Variants in ZNF385B observed in about 807,000 individuals in gnomAD.
ZNF385B encodes the protein zinc finger protein 385B, also known as zinc finger protein 533.
In ZNF385B, 23 loss-of-function variants were observed where a neutral mutation model predicts 39.2. The ratio of observed to expected loss-of-function variants is 0.59; its 90% CI spans 0.42 to 0.83. The LOEUF is 0.83. Ranked by LOEUF, ZNF385B falls within the 40% of genes least tolerant of loss-of-function variation. ZNF385B has a pLI of 0.00. For synonymous variants in ZNF385B, 205 were observed against 222.6 expected (o/e 0.92, Z 0.70); for missense variants, 552 against 598.9 (o/e 0.92, Z 0.82).
In ZNF385B at chr2:179,443,315, G is replaced by GAGCTGGAGGAAT. The variant is rs749031385; in HGVS notation, c.1384_1395dup (p.Ile462_Ala465dup). Reference sequence around the variant, plus strand: ...ATGGGCCCATGCCCAGGCCTCAGAAGAGCTGGAGGAATGGCTGGAGCCTGG... The same window carrying GAGCTGGAGGAAT: ...ATGGGCCCATGCCCAGGCCTCAGAAGAGCTGGAGGAATAGCTGGAGGAATGGCTGGAGCCTGG... On this transcript the variant is annotated inframe_insertion, in exon 10 of 10. Transcript: ENST00000410066. 494 of 1,612,940 alleles carry GAGCTGGAGGAAT rather than the reference G, an allele frequency of 3.1e-4. 1 individual carries two copies. The highest frequency in any genetic ancestry group is 3.7e-4 in the Non-Finnish European group (436 of 1,179,942).
chr2:179,841,140 A>G (rs1024495972), intron 1 of ZNF385B, among the ~76,000 whole-genome samples: 1 of 152,258 alleles, frequency 6.6e-6, no homozygotes, highest in Admixed American at 6.5e-5. Context: ...CACATCGTAC[A>G]AGGCAGAGAA....
chr2:179,699,295 G>A lies in ZNF385B; in HGVS notation c.298+70208C>T, dbSNP rs367812733. Among the ~76,000 whole-genome samples the A allele has an allele frequency of 2.0e-5, 3 of 152,080 alleles. No individual in the cohort carries two copies. In the East Asian group the frequency reaches 5.8e-4, roughly 29 times the overall value. On this transcript the variant is annotated intron_variant, in intron 3 of 9. Coordinates refer to ENST00000410066, the MANE Select transcript of ZNF385B (RefSeq NM_152520.6). ...TTCTGCATTCCCTGCTCTCTTCATT[G>A]AGGAGAAAATTTAAATAACATACAC...
At chr2:179,700,895 T>C (rs1293365623) in intron 3 of ZNF385B, among the ~76,000 whole-genome samples, 3 of 152,166 alleles carry the variant, frequency 2.0e-5, no homozygotes, top group Non-Finnish European at 4.4e-5. Context: ...GCGCTTGTAG[T>C]CGCAGCTACT....
At chr2:179,630,514 T>C (rs922879586) in intron 3 of ZNF385B, among the ~76,000 whole-genome samples, 1 of 152,152 alleles carries the variant, frequency 6.6e-6, no homozygotes, top group African/African-American at 2.4e-5. Context: ...ACCCCATCTG[T>C]AGGTCACCAA....
intron 3 of ZNF385B, among the ~76,000 whole-genome samples, chr2:179,628,594 C>A (rs1690890769): frequency 6.6e-6 from 1 of 152,146 alleles, no homozygotes; most frequent in Admixed American, 6.6e-5. Flanking sequence ...TGCTGTCTTT[C>A]TTTTGCTAAT....
intron 5 of ZNF385B, among the ~76,000 whole-genome samples, chr2:179,486,664 C>T (rs1010875133): frequency 5.3e-5 from 8 of 152,158 alleles, no homozygotes; most frequent in South Asian, 2.1e-4. Flanking sequence ...CCTGTAAGCC[C>T]GGCACTTTGG....
At chr2:179,563,970 G>A (rs988328602) in intron 3 of ZNF385B, among the ~76,000 whole-genome samples, 1 of 151,934 alleles carries the variant, frequency 6.6e-6, no homozygotes. Context: ...AACATTTCCC[G>A]GTCTGGAATA....
In ZNF385B at chr2:179,769,574, C is replaced by T. The variant is rs897681323; in HGVS notation, c.227G>A (p.Arg76Gln). 2 of 1,614,156 alleles carry T rather than the reference C, an allele frequency of 1.2e-6. No individual in the cohort carries two copies. Among genetic ancestry groups the T allele is most frequent in the South Asian group, 1.1e-5 (1 of 91,072 alleles). Residue 76 changes from arginine to glutamine, a missense_variant, in exon 3 of 10, where the codon CGA becomes CAA. Physicochemically the swap from Arg to Gln is conservative, Grantham distance 43 (BLOSUM62 1). Coordinates refer to ENST00000410066, the MANE Select transcript of ZNF385B (RefSeq NM_152520.6). The stretch of plus-strand genomic sequence containing the variant: ...CTGCCCATCACTCAGCTGCTTCACT[C>T]GTTTGCGGTGGGATTTGCCGTTGGA... ...VHSNGKSHRK[R>Q]VKQLSDGQPP...
At chr2:179,477,117 A>G (rs1489857909) in intron 6 of ZNF385B, among the ~76,000 whole-genome samples, 1 of 152,208 alleles carries the variant, frequency 6.6e-6, no homozygotes, top group Non-Finnish European at 1.5e-5. Flanking sequence ...GTGGCAGTCA[A>G]CAGAAATGAG....
At chr2:179,787,318 A>G (rs1163798049) in intron 1 of ZNF385B, among the ~76,000 whole-genome samples, 1 of 151,924 alleles carries the variant, frequency 6.6e-6, no homozygotes, top group East Asian at 1.9e-4. Context: ...GCTCTATGTT[A>G]TAAAAATTCT....
intron 3 of ZNF385B, among the ~76,000 whole-genome samples, chr2:179,598,573 G>A (rs1041316577): frequency 6.6e-6 from 1 of 152,006 alleles, no homozygotes; most frequent in African/African-American, 2.4e-5. Flanking sequence ...TATAAAACCT[G>A]TAATATTCTG....
chr2:179,641,685 A>C (rs1484413624), intron 3 of ZNF385B, among the ~76,000 whole-genome samples: 3 of 83,286 alleles, frequency 3.6e-5, no homozygotes, highest in Non-Finnish European at 7.0e-5. Flanking sequence ...ATTCTATGAC[A>C]TAACCCTTAA....
chr2:179,711,406 G>A (rs534550789), intron 3 of ZNF385B, among the ~76,000 whole-genome samples: 3 of 152,210 alleles, frequency 2.0e-5, no homozygotes, highest in Admixed American at 2.0e-4. Context: ...TTATATACCT[G>A]GCCCCAGGGA....
At chr2:179,855,261 ATCTC>A (rs764468463) in intron 1 of ZNF385B, among the ~76,000 whole-genome samples, 1 of 152,238 alleles carries the variant, frequency 6.6e-6, no homozygotes, top group Non-Finnish European at 1.5e-5. Context: ...AGCACAGGAT[ATCTC>A]TCTCTGTGTG....
chr2:179,496,612 A>C (rs750178582), intron 5 of ZNF385B, among the ~76,000 whole-genome samples: 1 of 152,232 alleles, frequency 6.6e-6, no homozygotes, highest in Non-Finnish European at 1.5e-5. Flanking sequence ...CAAATCACAT[A>C]CAACAGAGCT....
At position 179,745,826 on chromosome 2, in the gene ZNF385B, G is replaced by A. The variant is rs538794282; in HGVS notation, c.298+23677C>T. 1.1e-3 allele frequency: 1,511 copies of A among 1,406,302 alleles called. 8 individuals are homozygous for A. The Middle Eastern group carries it at 0.014, about 13-fold the overall frequency. The allele number at this position is 1,406,302 out of a possible 1,614,324, so 87.1% of individuals were successfully genotyped here. ...GACCAGGATAATGCACAGCGCTACC[G>A]AGACTTGGCTCCAGCCCTGATTATC... On this transcript the variant is annotated intron_variant, in intron 3 of 9. Coordinates refer to ENST00000410066, the MANE Select transcript of ZNF385B (RefSeq NM_152520.6).
At chr2:179,727,843 A>T (rs1334002631) in intron 3 of ZNF385B, among the ~76,000 whole-genome samples, 1 of 152,132 alleles carries the variant, frequency 6.6e-6, no homozygotes, top group Non-Finnish European at 1.5e-5. Flanking sequence ...ATTTGTGAGC[A>T]GATGCCCAGA....
chr2:179,690,579 A>T (rs1213322251), intron 3 of ZNF385B, among the ~76,000 whole-genome samples: 5 of 152,198 alleles, frequency 3.3e-5, no homozygotes, highest in African/African-American at 1.2e-4. Context: ...CTGATTTTTT[A>T]AAAATAAGGC....
At position 179,544,440 on chromosome 2, in the gene ZNF385B, C is replaced by A. The variant is rs2105905998; in HGVS notation, c.441+387G>T. ...TAAAAATGCAGCCAGAGAGATAAAT[C>A]CTACAGTCATTTTTTTTTTTCTAAG... On this transcript the variant is annotated intron_variant, in intron 4 of 9. Coordinates refer to ENST00000410066, the MANE Select transcript of ZNF385B (RefSeq NM_152520.6). 1.3e-5 allele frequency among the ~76,000 whole-genome samples: 2 copies of A among 149,370 alleles called. 1 individual carries two copies. The highest frequency in any genetic ancestry group is 4.2e-4 in the South Asian group (2 of 4,768).
Sources: gnomAD v4.1 joint callset for allele counts (sites outside exome capture counted in the v4.1 genomes callset) on GRCh38, gnomAD v4.1.1 for gene constraint, MANE v1.5 for transcripts, NCBI Gene and HGNC (gene_info 2026-07-23, HGNC 2026-07-21) for gene names.